Variants in OTULIN observed in about 807,000 individuals in gnomAD.
OTULIN encodes ubiquitin thioesterase otulin.
In OTULIN, 15 loss-of-function variants were observed where a neutral mutation model predicts 39.6. That is an observed-to-expected ratio of 0.38 (90% CI 0.25 to 0.58). The LOEUF (loss-of-function observed/expected upper bound fraction) is 0.58. OTULIN is among the 20% of genes least tolerant of loss of function. The pLI is 0.66. For synonymous variants in OTULIN, 156 were observed against 170.3 expected (o/e 0.92, Z 0.65); for missense variants, 319 against 445.9 (o/e 0.72, Z 2.56).
chr5:14,675,276 CTGTTT>C (rs1217446476), intron 2 of OTULIN, among the ~76,000 whole-genome samples: 2 of 152,254 alleles, frequency 1.3e-5, no homozygotes, highest in Admixed American at 6.5e-5. Context: ...CTGTGCTCTT[CTGTTT>C]TGAGAACTGG....
the OTULIN span, among the ~76,000 whole-genome samples, chr5:14,713,851 G>A: frequency 9.2e-5 from 14 of 152,312 alleles, no homozygotes; most frequent in African/African-American, 3.1e-4. This position sits in a 1 kb window ranked among gnomAD's most constrained non-coding sequence, Gnocchi z 4.4. Flanking sequence ...GCCTAGGCCC[G>A]CCTCGGCTCC....
At chr5:14,682,954 A>G (rs1736292512) in intron 4 of OTULIN, among the ~76,000 whole-genome samples, 2 of 152,188 alleles carry the variant, frequency 1.3e-5, no homozygotes. Context: ...CCTAGAATAA[A>G]GAAGACTTTT....
At chr5:14,706,611 A>G in the OTULIN span, 2 of 152,100 alleles carry the variant, frequency 1.3e-5, no homozygotes, top group African/African-American at 2.4e-5. Context: ...CCACAATGCA[A>G]TTTCTCTCAT....
At chr5:14,674,355 T>A (rs776710610) in intron 2 of OTULIN, among the ~76,000 whole-genome samples, 1 of 152,170 alleles carries the variant, frequency 6.6e-6, no homozygotes, top group Non-Finnish European at 1.5e-5. Flanking sequence ...CTGCATAGGG[T>A]TACTCTGATT....
chr5:14,669,684 C>G (rs1735935067), intron 1 of OTULIN, among the ~76,000 whole-genome samples: 1 of 152,102 alleles, frequency 6.6e-6, no homozygotes, highest in Non-Finnish European at 1.5e-5. Flanking sequence ...GATGGGAAGA[C>G]TGCTTGAGCC....
In OTULIN at chr5:14,698,465, T is replaced by C. The variant is rs1561007479; in HGVS notation, c.*5417T>C. Reference sequence around the variant, plus strand: ...CCTGGCTCCTGGGGCCAGAGTTTCCTCTGTTACTTGTTGAGTCTCTTGTCT... The same window carrying C: ...CCTGGCTCCTGGGGCCAGAGTTTCCCCTGTTACTTGTTGAGTCTCTTGTCT... On this transcript the variant is annotated 3_prime_UTR_variant, in exon 7 of 7. Transcript: ENST00000284274. 1 of 152,286 alleles carries C rather than the reference T, an allele frequency of 6.6e-6. No individual in the cohort carries two copies. The highest frequency in any genetic ancestry group is 1.5e-5 in the Non-Finnish European group (1 of 68,062). The allele number at this position is 152,286 out of a possible 1,614,324, so 9.4% of individuals were successfully genotyped here. A position where few individuals can be genotyped will look rare whatever the true frequency, so the allele number is the denominator to read the frequency against.
At chr5:14,669,013 G>A (rs1282764778) in intron 1 of OTULIN, among the ~76,000 whole-genome samples, 1 of 152,172 alleles carries the variant, frequency 6.6e-6, no homozygotes, top group African/African-American at 2.4e-5. Context: ...AGCTTACTCA[G>A]TTGGATATGT....
At chr5:14,702,011 C>T (rs150531850), downstream of OTULIN, among the ~76,000 whole-genome samples, 436 of 152,264 alleles carry the variant, frequency 2.9e-3, 5 homozygotes, top group African/African-American at 9.8e-3. Flanking sequence ...ACTCGAGCCT[C>T]GTGGAGGGAG....
At chr5:14,692,100 G>A (rs1394983566) in intron 6 of OTULIN, among the ~76,000 whole-genome samples, 1 of 152,074 alleles carries the variant, frequency 6.6e-6, no homozygotes, top group Non-Finnish European at 1.5e-5. Flanking sequence ...TAGTTCTCTT[G>A]GGTATACACC....
At chr5:14,709,393 T>TGAA in the OTULIN span, 1 of 152,210 alleles carries the variant, frequency 6.6e-6, no homozygotes. Flanking sequence ...CATATATGTA[T>TGAA]TAATGGAGGA....
At chr5:14,671,940 GGTTAAA>G (rs1479908936) in intron 1 of OTULIN, among the ~76,000 whole-genome samples, 1 of 152,086 alleles carries the variant, frequency 6.6e-6, no homozygotes, top group African/African-American at 2.4e-5. Flanking sequence ...TTTGACAGGT[GGTTAAA>G]TCTAGATGCC....
chr5:14,692,854 G>C lies in OTULIN; in HGVS notation c.865G>C (p.Val289Leu). ...AATACCCGTTTGCTCTTCTTCCCAG[G>C]TTGAAATGTTCCTTCTTGCCTATGC... ...QVGHTGGLEQ[V>L]EMFLLAYAVR... Residue 289 changes from valine (V) to leucine (L), a missense_variant and splice_region_variant, in exon 7 of 7, where the codon GTT becomes CTT. Coordinates refer to ENST00000284274, the MANE Select transcript of OTULIN (RefSeq NM_138348.6). The C allele has an allele frequency of 3.1e-6, 5 of 1,613,300 alleles. No homozygotes were observed. Among genetic ancestry groups the C allele is most frequent in the Non-Finnish European group, 4.2e-6 (5 of 1,179,376 alleles).
intron 1 of OTULIN, 61 bp downstream of exon 1, chr5:14,665,038 C>G: frequency 9.8e-7 from 1 of 1,015,378 alleles, no homozygotes; most frequent in Non-Finnish European, 1.2e-6. Context: ...CCTCCGGAAG[C>G]CGGGCTGGGG....
chr5:14,715,064 C>T, the OTULIN span, among the ~76,000 whole-genome samples: 15 of 152,228 alleles, frequency 9.9e-5, no homozygotes, highest in Admixed American at 3.3e-4. Flanking sequence ...CAGAAAGTGA[C>T]GCCGCAAGGC....
At chr5:14,681,419 CA>C in intron 3 of OTULIN, 44 bp from the exon 4 acceptor site, 1 of 1,553,056 alleles carries the variant, frequency 6.4e-7, no homozygotes, top group Non-Finnish European at 8.7e-7. Context: ...TCTGCTATCT[CA>C]AGTCAGTAAC....
rs1302463412 is a variant in OTULIN, at chr5:14,690,626, A to G, written c.864+318A>G. On this transcript the variant is annotated intron_variant, in intron 6 of 6. Transcript: ENST00000284274. This position sits in a 1 kb window ranked among gnomAD's most constrained non-coding sequence, Gnocchi z 4.5. ...AGGGCTGCTTGAGTGTCCTTACAAC[A>G]TGGCAGCTGGCTTCTCAGAGTGAAC... Among the ~76,000 whole-genome samples, 5 of 152,200 alleles carry G rather than the reference A, an allele frequency of 3.3e-5. No homozygotes were observed. Among genetic ancestry groups the G allele is most frequent in the South Asian group, 2.1e-4 (1 of 4,830 alleles).
intron 4 of OTULIN, among the ~76,000 whole-genome samples, chr5:14,682,204 A>G (rs1736268181): frequency 6.6e-6 from 1 of 152,258 alleles, no homozygotes; most frequent in East Asian, 1.9e-4. Context: ...AAAGGCATAT[A>G]GTCAGGTGGG....
At chr5:14,691,100 A>G (rs1171631224) in intron 6 of OTULIN, among the ~76,000 whole-genome samples, 5 of 152,222 alleles carry the variant, frequency 3.3e-5, no homozygotes, top group African/African-American at 7.2e-5. Flanking sequence ...CTCTAAGCCA[A>G]TATAGTTGAG....
chr5:14,682,987 A>G (rs959674121), intron 4 of OTULIN, among the ~76,000 whole-genome samples: 2 of 152,194 alleles, frequency 1.3e-5, no homozygotes, highest in Non-Finnish European at 1.5e-5. Context: ...TGACTAAGCT[A>G]GAGGTCTTTT....
Sources: allele counts gnomAD v4.1 joint callset (sites outside exome capture counted in the v4.1 genomes callset), GRCh38; gene constraint gnomAD v4.1.1; non-coding constraint Gnocchi (gnomAD v3.1); transcripts MANE v1.5; gene names NCBI Gene and HGNC (gene_info 2026-07-23, HGNC 2026-07-21).